The following TJP2 variants were observed in gnomAD, a reference collection of about 807,000 sequenced individuals.
TJP2 encodes the protein Friedreich ataxia region gene X104 (tight junction protein ZO-2).
A neutral mutation model predicts 133.1 loss-of-function variants in TJP2; 91 were observed. That is an observed-to-expected ratio of 0.68 (90% CI 0.58 to 0.81). TJP2 has a LOEUF of 0.81. TJP2 is among the 40% of genes least tolerant of loss of function. The pLI, the probability that TJP2 is intolerant of heterozygous loss-of-function variation, is 0.00. For synonymous variants in TJP2, 592 were observed against 583.4 expected (o/e 1.01, Z -0.21); for missense variants, 1,541 against 1,565.6 (o/e 0.98, Z 0.26).
At chr9:69,188,885 GA>G (rs919470418) in intron 1 of TJP2, among the ~76,000 whole-genome samples, 2 of 152,116 alleles carry the variant, frequency 1.3e-5, no homozygotes, top group African/African-American at 4.8e-5. Context: ...TTAATATCAG[GA>G]AAAACTTATG....
intron 17 of TJP2, among the ~76,000 whole-genome samples, chr9:69,241,836 T>C (rs536309274): frequency 6.6e-6 from 1 of 152,312 alleles, no homozygotes; most frequent in Admixed American, 6.5e-5. Flanking sequence ...CGTCCCTAAC[T>C]GTCCAATATT....
upstream of TJP2, among the ~76,000 whole-genome samples, chr9:69,172,586 T>C (rs1824748046): frequency 6.6e-6 from 1 of 152,230 alleles, no homozygotes; most frequent in Admixed American, 6.5e-5. Flanking sequence ...AGTCAGTAGA[T>C]GTAACTGCCA....
intron 1 of TJP2, among the ~76,000 whole-genome samples, chr9:69,180,478 T>C (rs966395307): frequency 8.5e-5 from 13 of 152,202 alleles, no homozygotes; most frequent in African/African-American, 2.9e-4. Context: ...TTTCCATTTG[T>C]TGAGAGTCAT....
In TJP2 at chr9:69,239,602, G is replaced by A. The variant is rs527579472; in HGVS notation, c.2356-335G>A. Among the ~76,000 whole-genome samples, 619 of 152,246 alleles carry A rather than the reference G, an allele frequency of 4.1e-3. 3 individuals carry two copies. Among genetic ancestry groups the A allele is most frequent in the African/African-American group, 0.014 (585 of 41,558 alleles). ...GAGGCGGGCGGATCACCTGAAGTCA[G>A]GAGTTTGGGACCAGCCTGGCCAACA... On this transcript the variant is annotated intron_variant, in intron 16 of 22. Transcript: ENST00000377245.
At position 69,218,321 on chromosome 9, in the gene TJP2, G is replaced by T. The variant is rs1223490120; in HGVS notation, c.304G>T (p.Val102Phe). 1 of 1,614,236 alleles carries T rather than the reference G, an allele frequency of 6.2e-7. No individual in the cohort carries two copies. Among genetic ancestry groups the T allele is most frequent in the Admixed American group, 1.7e-5 (1 of 60,028 alleles). ...PMEDVLHSFA[V>F]QQLRKSGKVA... ...GGAGGATGTGCTTCATTCGTTTGCA[G>T]TTCAGCAGCTCAGAAAAAGTGGGAA... The change falls in exon 4 of 23, where the codon GTT becomes TTT. Residue 102 changes from valine (V) to phenylalanine (F), a missense_variant. Val to Phe is a conservative substitution (Grantham distance 50). Coordinates refer to ENST00000377245, the MANE Select transcript of TJP2 (RefSeq NM_004817.4).
At chr9:69,223,731 G>A (rs559378883) in intron 5 of TJP2, among the ~76,000 whole-genome samples, 7 of 152,302 alleles carry the variant, frequency 4.6e-5, no homozygotes, top group South Asian at 2.1e-4. Context: ...CTAGGGGCTC[G>A]CCATCCATGA....
intron 22 of TJP2, 112 bp downstream of exon 22, chr9:69,253,012 CA>C: frequency 1.1e-6 from 1 of 926,870 alleles, no homozygotes; most frequent in Non-Finnish European, 1.7e-6. Flanking sequence ...ATTTTTTCCC[CA>C]CAGATTGACT....
intron 1 of TJP2, among the ~76,000 whole-genome samples, chr9:69,147,435 A>G (rs1823260993): frequency 6.6e-6 from 1 of 152,166 alleles, no homozygotes; most frequent in African/African-American, 2.4e-5. Flanking sequence ...CGTGGCCTAT[A>G]TATTTACCAT....
chr9:69,167,318 G>T (rs1824411516), intron 2 of TJP2, among the ~76,000 whole-genome samples: 1 of 152,140 alleles, frequency 6.6e-6, no homozygotes, highest in African/African-American at 2.4e-5. Flanking sequence ...TTCTTGATAA[G>T]TCATCCATGT....
At chr9:69,247,806 C>G (rs1305817935) in intron 18 of TJP2, among the ~76,000 whole-genome samples, 3 of 152,104 alleles carry the variant, frequency 2.0e-5, no homozygotes, top group Non-Finnish European at 4.4e-5. Flanking sequence ...CTGCAGGGCC[C>G]CTAATTTGAG....
chr9:69,239,171 G>A (rs528948464), intron 16 of TJP2, among the ~76,000 whole-genome samples: 7 of 147,160 alleles, frequency 4.8e-5, no homozygotes, highest in East Asian at 2.0e-4. Flanking sequence ...CCTGGGCGAC[G>A]AGTGAAACTC....
chr9:69,202,722 G>A (rs957162847), intron 1 of TJP2, among the ~76,000 whole-genome samples: 3 of 152,154 alleles, frequency 2.0e-5, no homozygotes, highest in African/African-American at 4.8e-5. Flanking sequence ...GGAAGATGAC[G>A]GTTTGGTCCT....
intron 9 of TJP2, among the ~76,000 whole-genome samples, chr9:69,228,352 A>G (rs1829506583): frequency 6.6e-6 from 1 of 152,206 alleles, no homozygotes; most frequent in Admixed American, 6.5e-5. Context: ...ACTGGGGACA[A>G]CTAGAGGGGA....
intron 5 of TJP2, among the ~76,000 whole-genome samples, chr9:69,222,237 C>A (rs567261925): frequency 2.9e-4 from 43 of 149,704 alleles, no homozygotes; most frequent in African/African-American, 1.1e-3. Context: ...AGTGCAGTGG[C>A]ATGATCTCGG....
At chr9:69,192,484 C>T (rs991851386) in intron 1 of TJP2, among the ~76,000 whole-genome samples, 5 of 152,030 alleles carry the variant, frequency 3.3e-5, no homozygotes, top group Admixed American at 6.6e-5. Flanking sequence ...TCTTGGTCTC[C>T]AGGCCCCAAG....
intron 1 of TJP2, among the ~76,000 whole-genome samples, chr9:69,203,908 T>C (rs1194359520): frequency 5.3e-5 from 8 of 152,152 alleles, no homozygotes; most frequent in African/African-American, 1.9e-4. Context: ...TGACTGCGCC[T>C]GGCAAAGTGT....
At chr9:69,243,016 AC>A (rs1366926070) in intron 17 of TJP2, among the ~76,000 whole-genome samples, 7 of 151,972 alleles carry the variant, frequency 4.6e-5, no homozygotes, top group Non-Finnish European at 1.5e-5. Context: ...GGCACACACC[AC>A]CATGCCTGGG....
chr9:69,161,696 TAAC>T (rs1244870624), intron 2 of TJP2, among the ~76,000 whole-genome samples: 3 of 151,382 alleles, frequency 2.0e-5, no homozygotes, highest in Non-Finnish European at 4.4e-5. Flanking sequence ...TGTCTATTAT[TAAC>T]AATGTAAATC....
intron 7 of TJP2, among the ~76,000 whole-genome samples, chr9:69,226,521 CAG>C (rs1829363305): frequency 6.6e-6 from 1 of 151,846 alleles, no homozygotes; most frequent in African/African-American, 2.4e-5. Context: ...TTTTTTGAGA[CAG>C]AGTTTCCCTC....
Sources: allele counts gnomAD v4.1 joint callset (sites outside exome capture counted in the v4.1 genomes callset), GRCh38; gene constraint gnomAD v4.1.1; transcripts MANE v1.5; gene names NCBI Gene and HGNC (gene_info 2026-07-23, HGNC 2026-07-21).